The following RNF10 variants were observed in gnomAD, a reference collection of about 807,000 sequenced individuals.
RNF10 encodes the protein E3 ubiquitin-protein ligase RNF10.
RNF10 carries 38 observed loss-of-function variants against 91.4 expected under a neutral mutation model. The ratio of observed to expected loss-of-function variants is 0.42; its 90% CI spans 0.32 to 0.54. The LOEUF (loss-of-function observed/expected upper bound fraction) is 0.54, where lower values mean the gene tolerates loss of function less well. RNF10 is among the 20% of genes least tolerant of loss of function. The pLI is 0.16. For synonymous variants in RNF10, 364 were observed against 366.3 expected (o/e 0.99, Z 0.07); for missense variants, 945 against 1,012.0 (o/e 0.93, Z 0.90).
chr12:120,559,321 T>A (rs891789718), intron 6 of RNF10, among the ~76,000 whole-genome samples: 1 of 151,456 alleles, frequency 6.6e-6, no homozygotes, highest in African/African-American at 2.4e-5. Flanking sequence ...AGCTGGCATT[T>A]CAGGCACCTG....
At chr12:120,547,025 A>G (rs1872441225) in intron 2 of RNF10, among the ~76,000 whole-genome samples, 1 of 152,218 alleles carries the variant, frequency 6.6e-6, no homozygotes, top group African/African-American at 2.4e-5. Context: ...GCATAAAGAC[A>G]TTTATGTACA....
chr12:120,550,206 G>C (rs1367840289), intron 2 of RNF10, among the ~76,000 whole-genome samples: 1 of 152,102 alleles, frequency 6.6e-6, no homozygotes, highest in African/African-American at 2.4e-5. Context: ...GTAGCTACTG[G>C]CTGCTGTGTT....
intron 1 of RNF10, 123 bp downstream of exon 1, chr12:120,535,091 C>T: frequency 9.4e-7 from 1 of 1,069,018 alleles, no homozygotes; most frequent in Non-Finnish European, 1.3e-6. Flanking sequence ...CCTACCTGCC[C>T]TTTTCCATGG....
chr12:120,548,077 T>C (rs1283763225), intron 2 of RNF10, among the ~76,000 whole-genome samples: 1 of 152,210 alleles, frequency 6.6e-6, no homozygotes, highest in Non-Finnish European at 1.5e-5. Flanking sequence ...TACCTTTTGC[T>C]GGAATGGAGA....
chr12:120,556,448 G>A (rs148444919), intron 4 of RNF10, among the ~76,000 whole-genome samples: 4,400 of 144,488 alleles, frequency 0.03, 234 homozygotes, highest in African/African-American at 0.11. Flanking sequence ...GGAGAATGGC[G>A]TGAACCCGGG....
At chr12:120,541,718 G>A (rs1871603467) in intron 1 of RNF10, among the ~76,000 whole-genome samples, 2 of 151,130 alleles carry the variant, frequency 1.3e-5, no homozygotes, top group South Asian at 4.2e-4. Flanking sequence ...ACAAGCATGA[G>A]CCATCGTGCC....
At chr12:120,540,737 G>A (rs1032141596) in intron 1 of RNF10, among the ~76,000 whole-genome samples, 5 of 152,172 alleles carry the variant, frequency 3.3e-5, no homozygotes, top group African/African-American at 1.2e-4. Flanking sequence ...TTGGAAATGA[G>A]CAGTTTACTG....
chr12:120,550,891 C>T lies in RNF10; in HGVS notation c.355-1608C>T, dbSNP rs560144503. Among the ~76,000 whole-genome samples the T allele has an allele frequency of 9.2e-5, 14 of 152,146 alleles. 1 individual carries two copies. Among genetic ancestry groups the T allele is most frequent in the Middle Eastern group, 3.4e-3 (1 of 294 alleles). Reference sequence around the variant, plus strand: ...GATTACAGGCATGAGCCACCACACCCGGCCCAGAATGCGGCGTTATTTTTA... The same window carrying T: ...GATTACAGGCATGAGCCACCACACCTGGCCCAGAATGCGGCGTTATTTTTA... On this transcript the variant is annotated intron_variant, in intron 2 of 16. Coordinates refer to ENST00000325954, the MANE Select transcript of RNF10 (RefSeq NM_014868.5).
chr12:120,538,033 C>T (rs555613339), intron 1 of RNF10, among the ~76,000 whole-genome samples: 2 of 152,282 alleles, frequency 1.3e-5, no homozygotes, highest in South Asian at 4.1e-4. Flanking sequence ...AAAGGGTACA[C>T]TCAAGCTCCG....
intron 7 of RNF10, among the ~76,000 whole-genome samples, chr12:120,561,282 A>G (rs1874806719): frequency 6.6e-6 from 1 of 152,242 alleles, no homozygotes; most frequent in African/African-American, 2.4e-5. Context: ...TTGTGGAGAA[A>G]GTATTATGGC....
chr12:120,563,645 G>A, intron 9 of RNF10, 22 bp downstream of exon 9: 2 of 1,580,738 alleles, frequency 1.3e-6, no homozygotes, highest in Non-Finnish European at 8.6e-7. Flanking sequence ...GGAAGAGAGG[G>A]CTGGGTTGCC....
chr12:120,576,100 A>G, intron 16 of RNF10, 150 bp downstream of exon 16: 2 of 814,390 alleles, frequency 2.5e-6, no homozygotes, highest in Admixed American at 5.2e-5. Flanking sequence ...ATAATACTCC[A>G]TTTGGTATGT....
Position 120,575,815 on chromosome 12 carries a change from G to C in RNF10, c.2224G>C (p.Ala742Pro). 1 of 1,614,176 alleles carries C rather than the reference G, an allele frequency of 6.2e-7. No homozygotes were observed. ...KKDENSLVPPAPVDSDGESDN... is the reference protein window; with the variant it reads ...KKDENSLVPPPPVDSDGESDN... ...AGATGAGAACAGCTTAGTTCCTCCT[G>C]CCCCTGTGGACAGCGACGGGGAGAG... The change falls in exon 16 of 17, where the codon GCC becomes CCC. Residue 742 changes from alanine (A) to proline (P), a missense_variant. Physicochemically the swap from Ala to Pro is conservative, Grantham distance 27. Transcript: ENST00000325954.
chr12:120,538,897 G>T (rs1267441853), intron 1 of RNF10, among the ~76,000 whole-genome samples: 2 of 152,214 alleles, frequency 1.3e-5, no homozygotes, highest in Admixed American at 1.3e-4. Flanking sequence ...CCTCTGAGCT[G>T]TAAATGGACC....
intron 1 of RNF10, among the ~76,000 whole-genome samples, chr12:120,542,914 G>A (rs1411014766): frequency 6.6e-6 from 1 of 152,180 alleles, no homozygotes; most frequent in African/African-American, 2.4e-5. Flanking sequence ...TGGTAGGAGT[G>A]AACCTAGCCT....
chr12:120,572,061 G>GTT (rs34773021), intron 14 of RNF10, among the ~76,000 whole-genome samples: 3,555 of 143,900 alleles, frequency 0.025, 35 homozygotes, highest in Middle Eastern at 0.039. Context: ...TATCTTGACA[G>GTT]TTTTTTTTTT....
rs765074961 is a variant in RNF10 at position 120,562,950 on chromosome 12, G to A, written c.1134G>A (p.Arg378=). The A allele has an allele frequency of 6.2e-7, 1 of 1,614,022 alleles. No individual in the cohort carries two copies. Among genetic ancestry groups the A allele is most frequent in the South Asian group, 1.1e-5 (1 of 91,078 alleles). Residue 378 remains arginine, a synonymous_variant, in exon 8 of 17, where the codon CGG becomes CGA. Transcript: ENST00000325954. ...IEAAIQELKT[R]EEALSGLAGS... is the part of the protein sequence containing the mutation. Reference sequence around the variant, plus strand: ...GTTCTCTCTGGCCACGTTAGACTCGGGAAGAGGCTCTGTCGGGATTGGCCG... The same window carrying A: ...GTTCTCTCTGGCCACGTTAGACTCGAGAAGAGGCTCTGTCGGGATTGGCCG...
Position 120,566,883 on chromosome 12 carries a change from T to A in RNF10, c.1944T>A (p.Tyr648Ter), listed in dbSNP as rs751913257. Residue 648 changes from tyrosine to a stop codon, truncating the protein, a stop_gained, in exon 13 of 17, where the codon TAT becomes TAA. Transcript: ENST00000325954. LOFTEE classifies it high-confidence loss of function. ...NLQQFPAFNS[Y>*]TCSSDSALGP... ...AGCAGTTTCCTGCCTTCAATTCTTA[T>A]ACCTGCTCCTCTGATTCTGCTTTGG... 1 of 1,614,018 alleles carries A rather than the reference T, an allele frequency of 6.2e-7. No individual in the cohort carries two copies. Among genetic ancestry groups the A allele is most frequent in the Non-Finnish European group, 8.5e-7 (1 of 1,179,910 alleles).
intron 10 of RNF10, among the ~76,000 whole-genome samples, chr12:120,564,741 A>G (rs373069114): frequency 3.9e-5 from 6 of 152,200 alleles, no homozygotes; most frequent in East Asian, 1.9e-4. Context: ...TTTTCTGCCA[A>G]CAAATAACTT....
Sources: allele counts gnomAD v4.1 joint callset (sites outside exome capture counted in the v4.1 genomes callset), GRCh38; gene constraint gnomAD v4.1.1; transcripts MANE v1.5; gene names NCBI Gene and HGNC (gene_info 2026-07-23, HGNC 2026-07-21).